DNM3: variants seen among roughly 807,000 people sequenced by gnomAD.
The protein encoded by DNM3 is dynamin-3.
In DNM3, 47 loss-of-function variants were observed where a neutral mutation model predicts 101.6. That is an observed-to-expected ratio of 0.46 (90% CI 0.37 to 0.59). The LOEUF (loss-of-function observed/expected upper bound fraction) is 0.59, where lower values mean the gene tolerates loss of function less well. DNM3 is among the 20% of genes least tolerant of loss of function. DNM3 has a pLI of 0.00. For missense variants in DNM3, 849 were observed against 1,085.7 expected, an observed-to-expected ratio of 0.78 and a Z score of 3.06; for synonymous variants, 385 against 387.9, an observed-to-expected ratio of 0.99 and a Z score of 0.09.
intron 10 of DNM3, among the ~76,000 whole-genome samples, chr1:172,065,698 G>A (rs1013484678): frequency 1.3e-5 from 2 of 152,122 alleles, no homozygotes. Flanking sequence ...GTGAGAAATC[G>A]AGGACCTCAT....
At chr1:172,111,771 T>C (rs1393654971) in intron 13 of DNM3, among the ~76,000 whole-genome samples, 1 of 152,164 alleles carries the variant, frequency 6.6e-6, no homozygotes, top group African/African-American at 2.4e-5. Flanking sequence ...CTACCAGAGC[T>C]TCTTTATTTG....
chr1:171,969,050 A>C (rs2043801365), intron 2 of DNM3, among the ~76,000 whole-genome samples: 1 of 152,194 alleles, frequency 6.6e-6, no homozygotes, highest in Non-Finnish European at 1.5e-5. Flanking sequence ...TAATAATGAC[A>C]TTTACACGAG....
At chr1:171,884,984 A>G (rs2036634021) in intron 1 of DNM3, among the ~76,000 whole-genome samples, 1 of 152,164 alleles carries the variant, frequency 6.6e-6, no homozygotes, top group African/African-American at 2.4e-5. Context: ...CATCTCAACC[A>G]TCTTTTCATC....
intron 17 of DNM3, among the ~76,000 whole-genome samples, chr1:172,351,902 G>A (rs1412837930): frequency 2.6e-5 from 4 of 152,122 alleles, no homozygotes; most frequent in African/African-American, 9.7e-5. Flanking sequence ...GGCAGCTGAG[G>A]ATGAATGGCT....
chr1:171,924,033 T>G (rs1035012815), intron 2 of DNM3, among the ~76,000 whole-genome samples: 5 of 152,214 alleles, frequency 3.3e-5, no homozygotes, highest in Non-Finnish European at 5.9e-5. Context: ...TATGGCTGCA[T>G]AGTATTCTAT....
chr1:172,121,208 GA>G (rs1290651369), intron 13 of DNM3, among the ~76,000 whole-genome samples: 1 of 151,972 alleles, frequency 6.6e-6, no homozygotes, highest in Non-Finnish European at 1.5e-5. Context: ...AGATACACAG[GA>G]AAAAAGTGAA....
chr1:172,164,769 T>C (rs946298511), intron 14 of DNM3, among the ~76,000 whole-genome samples: 1 of 151,980 alleles, frequency 6.6e-6, no homozygotes, highest in African/African-American at 2.4e-5. Flanking sequence ...TACCAAACCA[T>C]AGCCACTCCT....
At chr1:172,342,282 G>A (rs1483994383) in intron 17 of DNM3, among the ~76,000 whole-genome samples, 2 of 152,016 alleles carry the variant, frequency 1.3e-5, no homozygotes, top group Non-Finnish European at 2.9e-5. Flanking sequence ...AATATAAATT[G>A]TTCTACCATA....
At chr1:172,212,912 T>C (rs764970092) in intron 14 of DNM3, among the ~76,000 whole-genome samples, 6 of 152,112 alleles carry the variant, frequency 3.9e-5, no homozygotes, top group Non-Finnish European at 8.8e-5. Flanking sequence ...CATGGTCTTT[T>C]AGCACTGGAA....
rs960953938 is a variant in DNM3, at chr1:172,317,876, C to G, written c.1882-5453C>G. ...TCAATAGAAAAAGAGGGAATCCTCC[C>G]TAACTCATTTTGAGGCCAGCATCAT... On this transcript the variant is annotated intron_variant, in intron 16 of 20. Transcript: ENST00000627582. Among the ~76,000 whole-genome samples, 57 of 152,220 alleles carry G rather than the reference C, an allele frequency of 3.7e-4. 1 individual carries two copies. The highest frequency in any genetic ancestry group is 1.0e-4 in the Non-Finnish European group (7 of 68,052).
At chr1:172,078,293 C>G (rs993212771) in intron 11 of DNM3, among the ~76,000 whole-genome samples, 2 of 152,146 alleles carry the variant, frequency 1.3e-5, no homozygotes, top group Non-Finnish European at 2.9e-5. Flanking sequence ...AGGGTTTCAT[C>G]ATATTAGCCA....
At chr1:172,189,198 A>T (rs1005620081) in intron 14 of DNM3, among the ~76,000 whole-genome samples, 1 of 151,824 alleles carries the variant, frequency 6.6e-6, no homozygotes. Context: ...CTGGGCTCTT[A>T]TGTTGTTCCG....
intron 16 of DNM3, among the ~76,000 whole-genome samples, chr1:172,312,785 C>T (rs1369363892): frequency 1.3e-5 from 2 of 152,142 alleles, no homozygotes; most frequent in African/African-American, 4.8e-5. Flanking sequence ...GAGAAAGACA[C>T]AAATAAATGC....
intron 14 of DNM3, among the ~76,000 whole-genome samples, chr1:172,147,650 T>A (rs1294107818): frequency 6.6e-6 from 1 of 152,136 alleles, no homozygotes; most frequent in Non-Finnish European, 1.5e-5. Context: ...GGGTTACTAG[T>A]GTTTACAATT....
chr1:172,059,021 A>C (rs958849081), intron 10 of DNM3, among the ~76,000 whole-genome samples: 4 of 152,076 alleles, frequency 2.6e-5, no homozygotes, highest in Non-Finnish European at 5.9e-5. Flanking sequence ...ATATCACCAC[A>C]GATCACACAG....
intron 1 of DNM3, among the ~76,000 whole-genome samples, chr1:171,858,777 C>A (rs2033874460): frequency 6.6e-6 from 1 of 152,124 alleles, no homozygotes; most frequent in African/African-American, 2.4e-5. Context: ...TGTCTTCCTT[C>A]CCCATCAGTA....
chr1:172,054,829 G>C (rs1354600369), intron 10 of DNM3, among the ~76,000 whole-genome samples: 1 of 151,962 alleles, frequency 6.6e-6, no homozygotes, highest in Non-Finnish European at 1.5e-5. Flanking sequence ...CATGGTGGGG[G>C]GTGCCTATAA....
intron 17 of DNM3, among the ~76,000 whole-genome samples, chr1:172,332,346 G>A (rs1367264544): frequency 2.0e-5 from 3 of 152,156 alleles, no homozygotes; most frequent in Non-Finnish European, 4.4e-5. Flanking sequence ...GTCTCACTCT[G>A]TCACTGAGGC....
intron 14 of DNM3, chr1:172,139,030 A>G: frequency 2.5e-6 from 1 of 395,458 alleles, no homozygotes; most frequent in Non-Finnish European, 5.0e-6. Context: ...ACATTAAAAC[A>G]TTATGGAACT....
Sources: gnomAD v4.1 joint callset for allele counts (sites outside exome capture counted in the v4.1 genomes callset) on GRCh38, gnomAD v4.1.1 for gene constraint, MANE v1.5 for transcripts, NCBI Gene and HGNC (gene_info 2026-07-23, HGNC 2026-07-21) for gene names.